Variants in PTPRD observed in about 807,000 individuals in gnomAD.
The protein encoded by PTPRD is receptor-type tyrosine-protein phosphatase delta.
Under a neutral mutation model 214.5 loss-of-function variants are expected in PTPRD, and 34 were observed. That is an observed-to-expected ratio of 0.16 (90% CI 0.12 to 0.21). The LOEUF (loss-of-function observed/expected upper bound fraction) is 0.21. Ranked by LOEUF, PTPRD falls within the 10% of genes least tolerant of loss-of-function variation. PTPRD has a pLI of 1.00. For missense variants in PTPRD, 2,545 were observed against 2,398.7 expected (o/e 1.06, Z -1.27); for synonymous variants, 1,128 against 845.7 (o/e 1.33, Z -5.79).
At chr9:9,271,920 G>C (rs1383243386) in intron 9 of PTPRD, among the ~76,000 whole-genome samples, 1 of 151,292 alleles carries the variant, frequency 6.6e-6, no homozygotes, top group Non-Finnish European at 1.5e-5. Context: ...CTGCATAATT[G>C]AGAAACTTCA....
At chr9:9,013,078 G>C (rs1317314139) in intron 11 of PTPRD, among the ~76,000 whole-genome samples, 1 of 152,072 alleles carries the variant, frequency 6.6e-6, no homozygotes, top group Non-Finnish European at 1.5e-5. Context: ...AGATAATCTT[G>C]TTTGTTTGCT....
intron 12 of PTPRD, among the ~76,000 whole-genome samples, chr9:8,673,686 CTT>C (rs2097336138): frequency 6.6e-6 from 1 of 152,024 alleles, no homozygotes; most frequent in African/African-American, 2.4e-5. Context: ...TATTTATTCT[CTT>C]ATTCTGAATG....
intron 3 of PTPRD, among the ~76,000 whole-genome samples, chr9:10,248,687 G>A (rs535808175): frequency 6.6e-6 from 1 of 152,090 alleles, no homozygotes; most frequent in Non-Finnish European, 1.5e-5. Context: ...CTTGAGAGAT[G>A]TGAGTTCTTT....
chr9:8,713,595 G>C (rs933130122), intron 12 of PTPRD: 1 of 1,525,620 alleles, frequency 6.6e-7, no homozygotes, highest in Non-Finnish European at 9.0e-7. Flanking sequence ...ACATGTACCG[G>C]GAATACCGGG....
chr9:9,677,362 C>T (rs896998453), intron 7 of PTPRD, among the ~76,000 whole-genome samples: 4 of 151,612 alleles, frequency 2.6e-5, no homozygotes, highest in African/African-American at 9.7e-5. Flanking sequence ...GCCAGTTTTC[C>T]CAGCACCATG....
intron 14 of PTPRD, among the ~76,000 whole-genome samples, chr9:8,559,170 GAAAT>G (rs2085170578): frequency 1.3e-5 from 2 of 152,226 alleles, no homozygotes; most frequent in South Asian, 4.1e-4. Context: ...TCAGTTAGAA[GAAAT>G]AAGTTCTAGC....
intron 9 of PTPRD, among the ~76,000 whole-genome samples, chr9:9,342,718 T>TA (rs980625249): frequency 2.0e-5 from 3 of 151,970 alleles, no homozygotes; most frequent in South Asian, 2.1e-4. Context: ...TTTTTTTTTT[T>TA]TTATTATTAT....
chr9:10,607,150 A>C (rs1226964980), intron 2 of PTPRD, among the ~76,000 whole-genome samples: 1 of 151,888 alleles, frequency 6.6e-6, no homozygotes, highest in African/African-American at 2.4e-5. Context: ...ATCTAATGTA[A>C]GTAAATGTAT....
intron 11 of PTPRD, among the ~76,000 whole-genome samples, chr9:8,763,301 C>G (rs567269738): frequency 4.6e-5 from 7 of 152,142 alleles, no homozygotes; most frequent in Non-Finnish European, 8.8e-5. Context: ...CGCCTGAAAC[C>G]AGGAGTTCGA....
At chr9:10,343,282 C>T (rs1299197395) in intron 2 of PTPRD, among the ~76,000 whole-genome samples, 1 of 152,078 alleles carries the variant, frequency 6.6e-6, no homozygotes, top group Admixed American at 6.6e-5. Flanking sequence ...CCAGCTTCAT[C>T]CATGTCCCTG....
chr9:9,061,668 AAAG>A (rs1238384433), intron 10 of PTPRD, among the ~76,000 whole-genome samples: 1 of 152,208 alleles, frequency 6.6e-6, no homozygotes, highest in Non-Finnish European at 1.5e-5. Context: ...AATATTAATA[AAAG>A]AAGAGCACAA....
intron 12 of PTPRD, among the ~76,000 whole-genome samples, chr9:8,719,510 T>C (rs2098469669): frequency 1.3e-5 from 2 of 152,230 alleles, no homozygotes; most frequent in South Asian, 2.1e-4. Flanking sequence ...CTTTCTCCTG[T>C]CTGATGAGGA....
intron 8 of PTPRD, among the ~76,000 whole-genome samples, chr9:9,446,739 A>G (rs187944046): frequency 3.3e-5 from 5 of 152,256 alleles, no homozygotes; most frequent in African/African-American, 1.2e-4. Context: ...CCTACATAAT[A>G]GAAGTGAATG....
At chr9:8,570,924 G>C (rs1270896933) in intron 14 of PTPRD, among the ~76,000 whole-genome samples, 1 of 151,660 alleles carries the variant, frequency 6.6e-6, no homozygotes, top group African/African-American at 2.4e-5. Flanking sequence ...CGCTCTACAA[G>C]GTACAGACCA....
At chr9:10,120,161 G>C (rs1003725124) in intron 3 of PTPRD, among the ~76,000 whole-genome samples, 2 of 151,972 alleles carry the variant, frequency 1.3e-5, no homozygotes, top group Admixed American at 6.6e-5. Flanking sequence ...TAATAACAAA[G>C]TATAATTACA....
chr9:9,594,007 T>G (rs1422716326), intron 7 of PTPRD, among the ~76,000 whole-genome samples: 1 of 152,048 alleles, frequency 6.6e-6, no homozygotes, highest in African/African-American at 2.4e-5. Context: ...GATAGTACAG[T>G]GGTACTTGTA....
At chr9:10,516,902 T>C (rs1463131420) in intron 2 of PTPRD, among the ~76,000 whole-genome samples, 1 of 151,964 alleles carries the variant, frequency 6.6e-6, no homozygotes, top group Non-Finnish European at 1.5e-5. Context: ...CTTTCACTTC[T>C]GGATTTGCTA....
chr9:8,890,979 T>A (rs2098534329), intron 11 of PTPRD, among the ~76,000 whole-genome samples: 1 of 152,156 alleles, frequency 6.6e-6, no homozygotes, highest in African/African-American at 2.4e-5. Context: ...AGGTAAGCTT[T>A]ATCATTTTAA....
At chr9:9,874,826 T>C (rs938175306) in intron 5 of PTPRD, among the ~76,000 whole-genome samples, 2 of 152,162 alleles carry the variant, frequency 1.3e-5, no homozygotes, top group South Asian at 2.1e-4. Flanking sequence ...CCTTAATATT[T>C]TGTGTCCAGG....
Sources: gnomAD v4.1 joint callset for allele counts (sites outside exome capture counted in the v4.1 genomes callset) on GRCh38, gnomAD v4.1.1 for gene constraint, MANE v1.5 for transcripts, NCBI Gene and HGNC (gene_info 2026-07-23, HGNC 2026-07-21) for gene names.